Variants in ADGRB3 observed in about 807,000 individuals in gnomAD.
ADGRB3 encodes the protein adhesion G protein-coupled receptor B3.
In ADGRB3, 37 loss-of-function variants were observed where a neutral mutation model predicts 193.4. The ratio of observed to expected loss-of-function variants is 0.19; its 90% CI spans 0.15 to 0.25. The LOEUF is 0.25. Ranked by LOEUF, ADGRB3 falls within the 10% of genes least tolerant of loss-of-function variation. ADGRB3 has a pLI of 1.00. For missense variants in ADGRB3, 1,637 were observed against 1,852.9 expected, an observed-to-expected ratio of 0.88 and a Z score of 2.14; for synonymous variants, 690 against 644.2, an observed-to-expected ratio of 1.07 and a Z score of -1.08.
At chr6:68,786,091 G>C (rs557617104) in intron 3 of ADGRB3, among the ~76,000 whole-genome samples, 2,228 of 148,488 alleles carry the variant, frequency 0.015, 68 homozygotes, top group African/African-American at 0.054. Flanking sequence ...AATTTTCTCC[G>C]ATTCTGTAGG....
intron 30 of ADGRB3, among the ~76,000 whole-genome samples, chr6:69,373,873 T>A (rs1392750304): frequency 6.6e-6 from 1 of 152,016 alleles, no homozygotes; most frequent in Non-Finnish European, 1.5e-5. Context: ...CCAACCTAAG[T>A]TATGTAATCA....
rs1476167154 is a variant in ADGRB3 at position 68,637,536 on chromosome 6, G to A, written c.-42G>A. The A allele has an allele frequency of 6.6e-6, 1 of 152,554 alleles. No homozygotes were observed. The highest frequency in any genetic ancestry group is 6.5e-5 in the Admixed American group (1 of 15,270). 9.5% of individuals were successfully genotyped at this position (152,554 alleles called of 1,614,324 possible). On this transcript the variant is annotated 5_prime_UTR_variant, in exon 2 of 32. Coordinates refer to ENST00000370598, the MANE Select transcript of ADGRB3 (RefSeq NM_001704.3). ...AAGGTTAAAGCTGAAAAATATTCAAGTTATTTTTGGATAACAACTTACAGA... is the reference window on the plus strand; with the variant it reads ...AAGGTTAAAGCTGAAAAATATTCAAATTATTTTTGGATAACAACTTACAGA...
chr6:69,146,895 T>C (rs1454983325), intron 17 of ADGRB3, among the ~76,000 whole-genome samples: 2 of 150,816 alleles, frequency 1.3e-5, no homozygotes, highest in Non-Finnish European at 3.0e-5. Flanking sequence ...AAATTGTATA[T>C]GTCTAGGAAT....
At chr6:69,007,224 A>T (rs1024983635) in intron 11 of ADGRB3, among the ~76,000 whole-genome samples, 1 of 152,174 alleles carries the variant, frequency 6.6e-6, no homozygotes, top group Admixed American at 6.6e-5. Flanking sequence ...CTCTAAACCA[A>T]GCTGCCATCA....
intron 3 of ADGRB3, among the ~76,000 whole-genome samples, chr6:68,749,075 G>C (rs888771675): frequency 2.6e-5 from 4 of 152,052 alleles, no homozygotes; most frequent in Non-Finnish European, 4.4e-5. Flanking sequence ...CCTGGGCCCA[G>C]CTCATGAAAC....
At chr6:68,826,804 G>A (rs1398255973) in intron 3 of ADGRB3, among the ~76,000 whole-genome samples, 2 of 152,172 alleles carry the variant, frequency 1.3e-5, no homozygotes, top group Admixed American at 6.5e-5. Context: ...GTATGTGGGT[G>A]TGAAATAGAA....
chr6:68,818,053 G>T (rs1343870384), intron 3 of ADGRB3, among the ~76,000 whole-genome samples: 1 of 152,030 alleles, frequency 6.6e-6, no homozygotes, highest in African/African-American at 2.4e-5. Flanking sequence ...AGCCACCAAA[G>T]TTCAGTGAAT....
At chr6:69,300,518 A>G (rs1442164578) in intron 20 of ADGRB3, among the ~76,000 whole-genome samples, 1 of 151,838 alleles carries the variant, frequency 6.6e-6, no homozygotes, top group Non-Finnish European at 1.5e-5. Context: ...GAAATTAAGA[A>G]GTCAAATTAT....
At position 69,185,887 on chromosome 6, in the gene ADGRB3, A is replaced by T. The variant is rs563708333; in HGVS notation, c.2481-47403A>T. Reference sequence around the variant, plus strand: ...TTTTGAATTTGTATTTCCAATAAAAAAATCTGTGTATTAAGTCTTTTTTTA... The same window carrying T: ...TTTTGAATTTGTATTTCCAATAAAATAATCTGTGTATTAAGTCTTTTTTTA... On this transcript the variant is annotated intron_variant, in intron 17 of 31. Transcript: ENST00000370598. Among the ~76,000 whole-genome samples the T allele has an allele frequency of 3.3e-5, 5 of 152,276 alleles. No individual in the cohort carries two copies. In the East Asian group the frequency reaches 7.7e-4, roughly 23 times the overall value.
chr6:68,854,582 G>A (rs975062140), intron 3 of ADGRB3, among the ~76,000 whole-genome samples: 2 of 151,814 alleles, frequency 1.3e-5, no homozygotes, highest in Non-Finnish European at 2.9e-5. Flanking sequence ...AGCTTTGCTA[G>A]TTGGTGCAAA....
chr6:69,148,898 T>C (rs1774582701), intron 17 of ADGRB3, among the ~76,000 whole-genome samples: 1 of 152,196 alleles, frequency 6.6e-6, no homozygotes, highest in South Asian at 2.1e-4. Flanking sequence ...AAAAGTCTTT[T>C]GCCAGACATA....
chr6:69,145,066 T>C (rs1774447730), intron 17 of ADGRB3, among the ~76,000 whole-genome samples: 1 of 152,214 alleles, frequency 6.6e-6, no homozygotes, highest in Admixed American at 6.5e-5. Flanking sequence ...TGGGTGTCAC[T>C]TCATTAGCCA....
chr6:68,816,203 G>A (rs115965308), intron 3 of ADGRB3, among the ~76,000 whole-genome samples: 1,945 of 151,878 alleles, frequency 0.013, 45 homozygotes, highest in African/African-American at 0.044. Flanking sequence ...GCACTGATCC[G>A]TATATGAGAT....
At chr6:68,728,086 T>C (rs995919420) in intron 3 of ADGRB3, among the ~76,000 whole-genome samples, 1 of 151,568 alleles carries the variant, frequency 6.6e-6, no homozygotes, top group Non-Finnish European at 1.5e-5. Flanking sequence ...GCTTTTTACT[T>C]GTAAGTTTCA....
At chr6:68,654,578 G>T (rs1420817140) in intron 3 of ADGRB3, among the ~76,000 whole-genome samples, 2 of 151,652 alleles carry the variant, frequency 1.3e-5, no homozygotes, top group Non-Finnish European at 2.9e-5. Flanking sequence ...TTGTATATCT[G>T]ATCTGTCACA....
intron 30 of ADGRB3, among the ~76,000 whole-genome samples, chr6:69,380,592 A>G (rs1011294726): frequency 2.0e-5 from 3 of 151,994 alleles, no homozygotes; most frequent in African/African-American, 7.2e-5. Context: ...GAGGATAGAC[A>G]AATAAGACCA....
At chr6:68,935,036 T>G (rs1218260224) in intron 4 of ADGRB3, among the ~76,000 whole-genome samples, 2 of 152,202 alleles carry the variant, frequency 1.3e-5, no homozygotes, top group Non-Finnish European at 2.9e-5. Context: ...TGTCCAGTTA[T>G]AAACAGATGG....
Position 69,153,863 on chromosome 6 carries a change from T to G in ADGRB3, c.2480+77825T>G, listed in dbSNP as rs1287859953. ...AAAAAATTAGCCAGGCATGGTGGCA[T>G]GTGCCTGTAGTCCCAGCTACTCGGG... On this transcript the variant is annotated intron_variant, in intron 17 of 31. Coordinates refer to ENST00000370598, the MANE Select transcript of ADGRB3 (RefSeq NM_001704.3). Among the ~76,000 whole-genome samples, 20 of 152,024 alleles carry G rather than the reference T, an allele frequency of 1.3e-4. No homozygotes were observed. In the East Asian group the frequency reaches 1.8e-3, roughly 13 times the overall value.
chr6:69,263,143 T>A (rs144054741), intron 20 of ADGRB3, among the ~76,000 whole-genome samples: 1 of 152,032 alleles, frequency 6.6e-6, no homozygotes, highest in Non-Finnish European at 1.5e-5. Context: ...CACCACTTTG[T>A]TATGACTTCC....
Sources: allele counts gnomAD v4.1 joint callset (sites outside exome capture counted in the v4.1 genomes callset), GRCh38; gene constraint gnomAD v4.1.1; transcripts MANE v1.5; gene names NCBI Gene and HGNC (gene_info 2026-07-23, HGNC 2026-07-21).